Variants in ZBTB20 observed in about 807,000 individuals in gnomAD.
ZBTB20 encodes zinc finger and BTB domain containing 20.
Under a neutral mutation model 56.9 loss-of-function variants are expected in ZBTB20, and 9 were observed. That is an observed-to-expected ratio of 0.16 (90% CI 0.10 to 0.28). ZBTB20 has a LOEUF of 0.28. Ranked by LOEUF, ZBTB20 falls within the 10% of genes least tolerant of loss-of-function variation. The probability of loss-of-function intolerance (pLI) is 1.00; values close to 1 mark genes in which losing one functional copy is unlikely to be tolerated. For missense variants in ZBTB20, 655 were observed against 1,003.0 expected, an observed-to-expected ratio of 0.65 and a Z score of 4.69; for synonymous variants, 417 against 420.7, an observed-to-expected ratio of 0.99 and a Z score of 0.11.
intron 7 of ZBTB20, among the ~76,000 whole-genome samples, chr3:114,430,140 C>A (rs1446299272): frequency 6.6e-6 from 1 of 152,102 alleles, no homozygotes; most frequent in African/African-American, 2.4e-5. Flanking sequence ...AGAAAAATCA[C>A]TAGTAGTAAA....
At chr3:115,125,424 T>C (rs143701854) in intron 1 of ZBTB20, among the ~76,000 whole-genome samples, 2 of 151,808 alleles carry the variant, frequency 1.3e-5, no homozygotes, top group African/African-American at 2.4e-5. Flanking sequence ...AATTCTGTCA[T>C]TGTGACATCA....
chr3:114,650,003 C>CTAGG (rs1053016978), intron 6 of ZBTB20, among the ~76,000 whole-genome samples: 1 of 151,742 alleles, frequency 6.6e-6, no homozygotes, highest in Non-Finnish European at 1.5e-5. Context: ...ACAAACTCTG[C>CTAGG]CACACACAAG....
At chr3:114,990,007 G>A (rs542126183) in intron 2 of ZBTB20, among the ~76,000 whole-genome samples, 37 of 152,286 alleles carry the variant, frequency 2.4e-4, no homozygotes, top group Admixed American at 1.4e-3. Context: ...TTTGGGCTGA[G>A]ATGATGGGGT....
intron 5 of ZBTB20, among the ~76,000 whole-genome samples, chr3:114,800,789 A>C (rs1383319135): frequency 6.6e-6 from 1 of 151,260 alleles, no homozygotes; most frequent in Non-Finnish European, 1.5e-5. Flanking sequence ...ATAAAATAAA[A>C]TAAAATAAAA....
At chr3:114,789,485 A>T (rs1000709455) in intron 5 of ZBTB20, among the ~76,000 whole-genome samples, 6 of 152,186 alleles carry the variant, frequency 3.9e-5, no homozygotes, top group Non-Finnish European at 5.9e-5. Flanking sequence ...ATTTTAAAAA[A>T]ACTTTATAGG....
chr3:114,780,144 A>T (rs1412494836), intron 5 of ZBTB20, among the ~76,000 whole-genome samples: 3 of 152,130 alleles, frequency 2.0e-5, no homozygotes, highest in African/African-American at 7.2e-5. Context: ...TTATTGCATA[A>T]TTTTTTTCTT....
intron 3 of ZBTB20, among the ~76,000 whole-genome samples, chr3:114,928,225 G>A (rs922365962): frequency 1.3e-5 from 2 of 152,162 alleles, no homozygotes; most frequent in Admixed American, 6.5e-5. Context: ...TTTATCTGTC[G>A]TCTGAGGCAT....
intron 5 of ZBTB20, among the ~76,000 whole-genome samples, chr3:114,757,123 G>A (rs2068064554): frequency 6.6e-6 from 1 of 152,086 alleles, no homozygotes; most frequent in Non-Finnish European, 1.5e-5. Flanking sequence ...GAAACTAGCA[G>A]CTGGACTTCA....
At chr3:115,133,703 G>A (rs1000924799) in intron 1 of ZBTB20, among the ~76,000 whole-genome samples, 1 of 152,116 alleles carries the variant, frequency 6.6e-6, no homozygotes, top group Admixed American at 6.5e-5. Context: ...GTATGTATCA[G>A]TACTTCATTA....
intron 7 of ZBTB20, among the ~76,000 whole-genome samples, chr3:114,490,672 A>C (rs1291426064): frequency 7.2e-5 from 11 of 152,210 alleles, no homozygotes; most frequent in Admixed American, 7.2e-4. Flanking sequence ...TTCACACTAT[A>C]CCAATACCAT....
intron 5 of ZBTB20, among the ~76,000 whole-genome samples, chr3:114,765,872 T>A (rs1055017766): frequency 3.3e-5 from 5 of 152,202 alleles, no homozygotes; most frequent in African/African-American, 4.8e-5. Context: ...TCCAATGAGA[T>A]GTTGCCATCT....
At chr3:114,472,238 A>G (rs139650095) in intron 7 of ZBTB20, among the ~76,000 whole-genome samples, 110 of 152,308 alleles carry the variant, frequency 7.2e-4, no homozygotes, top group Non-Finnish European at 1.4e-3. Flanking sequence ...TCCTCAAAAC[A>G]TACTTGTTGA....
intron 1 of ZBTB20, among the ~76,000 whole-genome samples, chr3:115,133,961 A>G (rs2084583143): frequency 6.6e-6 from 1 of 152,204 alleles, no homozygotes; most frequent in Non-Finnish European, 1.5e-5. Context: ...TATGTATCAC[A>G]TTGATCTTTC....
intron 4 of ZBTB20, among the ~76,000 whole-genome samples, chr3:114,812,554 G>C (rs561169063): frequency 3.3e-5 from 5 of 152,202 alleles, no homozygotes; most frequent in Non-Finnish European, 5.9e-5. Flanking sequence ...ATAGAGTGTC[G>C]ATTGGTGTAC....
intron 2 of ZBTB20, among the ~76,000 whole-genome samples, chr3:115,051,569 G>A (rs916193838): frequency 3.3e-5 from 5 of 152,114 alleles, no homozygotes; most frequent in African/African-American, 7.2e-5. Flanking sequence ...AGGAATTAAC[G>A]TTGTTACAGT....
intron 4 of ZBTB20, among the ~76,000 whole-genome samples, chr3:114,868,797 A>G (rs2075873534): frequency 6.6e-6 from 1 of 152,144 alleles, no homozygotes; most frequent in African/African-American, 2.4e-5. Context: ...AAATGTGTAT[A>G]GGTTGGTTTG....
At chr3:114,571,145 T>G (rs2107340961) in intron 6 of ZBTB20, among the ~76,000 whole-genome samples, 1 of 152,308 alleles carries the variant, frequency 6.6e-6, no homozygotes, top group South Asian at 2.1e-4. Context: ...CTAATTTGAT[T>G]TGTAGGAAAT....
At chr3:114,421,179 T>C (rs908304045) in intron 7 of ZBTB20, among the ~76,000 whole-genome samples, 3 of 152,118 alleles carry the variant, frequency 2.0e-5, no homozygotes, top group Admixed American at 6.6e-5. Flanking sequence ...AAATTTACTT[T>C]TTGCCAGCTC....
intron 2 of ZBTB20, among the ~76,000 whole-genome samples, chr3:115,016,264 T>C (rs1322515914): frequency 6.6e-6 from 1 of 151,988 alleles, no homozygotes; most frequent in Non-Finnish European, 1.5e-5. Context: ...ATTCTGTAGG[T>C]TGTCTGTTCA....
Sources: gnomAD v4.1 joint callset for allele counts (sites outside exome capture counted in the v4.1 genomes callset) on GRCh38, gnomAD v4.1.1 for gene constraint, MANE v1.5 for transcripts, NCBI Gene and HGNC (gene_info 2026-07-23, HGNC 2026-07-21) for gene names.